The following FOXP1 variants were observed in gnomAD, a reference collection of about 807,000 sequenced individuals.
The protein encoded by FOXP1 is forkhead box P1, also known as forkhead box protein P1.
A neutral mutation model predicts 98.2 loss-of-function variants in FOXP1; 15 were observed. The ratio of observed to expected loss-of-function variants is 0.15; its 90% CI spans 0.10 to 0.24. The LOEUF is 0.24. Among genes scored for constraint, FOXP1 ranks in the 10% least tolerant of loss-of-function variants. The probability of loss-of-function intolerance (pLI) is 1.00; values close to 1 mark genes in which losing one functional copy is unlikely to be tolerated. For missense variants in FOXP1, 633 were observed against 848.5 expected, an observed-to-expected ratio of 0.75 and a Z score of 3.15; for synonymous variants, 371 against 314.5, an observed-to-expected ratio of 1.18 and a Z score of -1.90.
intron 7 of FOXP1, among the ~76,000 whole-genome samples, chr3:71,068,826 C>T (rs977633031): frequency 2.6e-5 from 4 of 152,116 alleles, no homozygotes; most frequent in South Asian, 2.1e-4. Flanking sequence ...CTCAGGAAAG[C>T]GCGCCTCCCC....
chr3:70,985,832 C>T (rs1395472605), intron 14 of FOXP1, among the ~76,000 whole-genome samples: 1 of 152,152 alleles, frequency 6.6e-6, no homozygotes, highest in Admixed American at 6.5e-5. Flanking sequence ...TGTAGCGCTG[C>T]TCTAGCTGTC....
At chr3:71,123,946 A>C (rs2058965204) in intron 6 of FOXP1, among the ~76,000 whole-genome samples, 1 of 152,130 alleles carries the variant, frequency 6.6e-6, no homozygotes, top group South Asian at 2.1e-4. Flanking sequence ...CAATGCTTTG[A>C]GGTAAATTAT....
At chr3:71,501,435 C>T (rs2041348954) in intron 2 of FOXP1, among the ~76,000 whole-genome samples, 1 of 151,600 alleles carries the variant, frequency 6.6e-6, no homozygotes, top group African/African-American at 2.4e-5. Flanking sequence ...GCTGGGATTA[C>T]AGGCACGCAC....
At chr3:71,383,425 G>T (rs1020864454) in intron 3 of FOXP1, among the ~76,000 whole-genome samples, 6 of 152,210 alleles carry the variant, frequency 3.9e-5, no homozygotes, top group Non-Finnish European at 7.3e-5. Context: ...GGCAGACATT[G>T]TTGGTCTAGT....
At chr3:71,573,471 TATAAGA>T (rs1215009997) in intron 2 of FOXP1, 1 of 151,346 alleles carries the variant, frequency 6.6e-6, no homozygotes, top group East Asian at 2.0e-4. Flanking sequence ...CTTCTACAAG[TATAAGA>T]ATTTGTTGTA....
intron 13 of FOXP1, among the ~76,000 whole-genome samples, chr3:70,995,934 T>C (rs748159340): frequency 3.9e-5 from 6 of 152,260 alleles, no homozygotes; most frequent in African/African-American, 9.6e-5. Flanking sequence ...CCTTTTGTAA[T>C]TGGTATTTCT....
At chr3:71,221,364 AGT>A (rs2065367179) in intron 5 of FOXP1, among the ~76,000 whole-genome samples, 1 of 152,150 alleles carries the variant, frequency 6.6e-6, no homozygotes, top group African/African-American at 2.4e-5. Flanking sequence ...AGTCTTGGAG[AGT>A]GACAGAAGAC....
intron 6 of FOXP1, among the ~76,000 whole-genome samples, chr3:71,163,397 T>C (rs891950930): frequency 6.6e-6 from 1 of 152,196 alleles, no homozygotes; most frequent in African/African-American, 2.4e-5. Context: ...CAGCATCTGT[T>C]TGAAATATGT....
At chr3:71,192,365 G>A (rs1030262193) in intron 6 of FOXP1, among the ~76,000 whole-genome samples, 4 of 152,184 alleles carry the variant, frequency 2.6e-5, no homozygotes, top group African/African-American at 9.7e-5. Context: ...AATGGCCTCT[G>A]GAATTTTAAT....
intron 6 of FOXP1, among the ~76,000 whole-genome samples, chr3:71,166,880 G>T (rs944902822): frequency 1.3e-5 from 2 of 151,992 alleles, no homozygotes; most frequent in East Asian, 3.8e-4. Flanking sequence ...CTTCTGAATT[G>T]TGTGCATTCC....
intron 6 of FOXP1, among the ~76,000 whole-genome samples, chr3:71,191,908 G>A (rs1350891943): frequency 5.3e-5 from 8 of 152,084 alleles, no homozygotes; most frequent in Admixed American, 2.0e-4. Flanking sequence ...TACTTTTCAC[G>A]TTATTTGAAC....
chr3:71,172,507 C>G (rs2061701123), intron 6 of FOXP1, among the ~76,000 whole-genome samples: 1 of 152,202 alleles, frequency 6.6e-6, no homozygotes, highest in Non-Finnish European at 1.5e-5. Context: ...TATAACACTT[C>G]ACTTGCTTCC....
chr3:71,448,908 A>G (rs2086691722), intron 3 of FOXP1, among the ~76,000 whole-genome samples: 1 of 152,202 alleles, frequency 6.6e-6, no homozygotes, highest in South Asian at 2.1e-4. Flanking sequence ...GACACTTGCA[A>G]CTGTACAACT....
rs528792162 is a variant in FOXP1, at chr3:71,126,328, C to CAA, written c.181-13693_181-13692dup. Among the ~76,000 whole-genome samples, 417 of 143,778 alleles carry CAA rather than the reference C, an allele frequency of 2.9e-3. 4 individuals are homozygous for CAA. Among genetic ancestry groups the CAA allele is most frequent in the African/African-American group, 8.8e-3 (343 of 39,194 alleles). The allele number at this position is 143,778 out of a possible 152,430, so 94.3% of individuals were successfully genotyped here. A position where few individuals can be genotyped will look rare whatever the true frequency, so the allele number is the denominator to read the frequency against. ...CGAAACCCCGTCTCTATTAAAAATACAAAAAAAAAAATTAGCCAGGCGTGG... is the reference window on the plus strand; with the variant it reads ...CGAAACCCCGTCTCTATTAAAAATACAAAAAAAAAAAAATTAGCCAGGCGTGG... On this transcript the variant is annotated intron_variant, in intron 6 of 20. Coordinates refer to ENST00000649528, the MANE Select transcript of FOXP1 (RefSeq NM_001349338.3).
At chr3:71,219,711 C>T (rs1215387403) in intron 5 of FOXP1, among the ~76,000 whole-genome samples, 1 of 152,210 alleles carries the variant, frequency 6.6e-6, no homozygotes, top group African/African-American at 2.4e-5. Flanking sequence ...TAGAATAATA[C>T]TATAATTTGT....
intron 5 of FOXP1, among the ~76,000 whole-genome samples, chr3:71,262,169 G>A (rs1282510719): frequency 1.3e-5 from 2 of 149,224 alleles, no homozygotes; most frequent in Non-Finnish European, 3.0e-5. Context: ...GGGAGGCTGA[G>A]GCAGGAGAAT....
intron 6 of FOXP1, among the ~76,000 whole-genome samples, chr3:71,141,245 T>TGACA (rs200610540): frequency 0.014 from 1,914 of 132,128 alleles, 59 homozygotes; most frequent in African/African-American, 0.055. Context: ...TCCAGCCTGG[T>TGACA]GACAGAGCAA....
intron 7 of FOXP1, among the ~76,000 whole-genome samples, chr3:71,055,686 G>A (rs1219446161): frequency 6.6e-6 from 1 of 152,140 alleles, no homozygotes; most frequent in East Asian, 1.9e-4. Context: ...GGATTTTTAA[G>A]TATCTTTTGG....
chr3:71,398,774 A>T (rs1474860901), intron 3 of FOXP1, among the ~76,000 whole-genome samples: 1 of 152,218 alleles, frequency 6.6e-6, no homozygotes, highest in Non-Finnish European at 1.5e-5. Context: ...ATCATGCATT[A>T]TGGTGGTGAC....
Sources: gnomAD v4.1 joint callset for allele counts (sites outside exome capture counted in the v4.1 genomes callset) on GRCh38, gnomAD v4.1.1 for gene constraint, MANE v1.5 for transcripts, NCBI Gene and HGNC (gene_info 2026-07-23, HGNC 2026-07-21) for gene names.